Variants in ITGBL1 observed in about 807,000 individuals in gnomAD.
ITGBL1 encodes integrin subunit beta like 1.
A neutral mutation model predicts 68.5 loss-of-function variants in ITGBL1; 51 were observed. The observed-to-expected ratio is 0.74, with a 90% CI of 0.59 to 0.94. ITGBL1 has a LOEUF of 0.94. Ranked by LOEUF, ITGBL1 falls within the 40% of genes least tolerant of loss-of-function variation. ITGBL1 has a pLI of 0.00. For synonymous variants in ITGBL1, 209 were observed against 227.3 expected (o/e 0.92, Z 0.72); for missense variants, 649 against 647.4 (o/e 1.00, Z -0.03).
chr13:101,600,992 G>C lies in ITGBL1; in HGVS notation c.1015+2693G>C, dbSNP rs1594919032. 2.0e-5 allele frequency among the ~76,000 whole-genome samples: 3 copies of C among 152,246 alleles called. No homozygotes were observed. The South Asian group carries it at 6.2e-4, about 32-fold the overall frequency. ...AGGATTCCCTCTTTTTCTATTGATT[G>C]GAATAGTTTCAGAAGGAATGGTACC... is the stretch of plus-strand genomic sequence containing the variant. On this transcript the variant is annotated intron_variant, in intron 7 of 10. Coordinates refer to ENST00000376180, the MANE Select transcript of ITGBL1 (RefSeq NM_004791.3).
rs529429327 is a variant in ITGBL1, at chr13:101,598,162, A to G, written c.878A>G (p.Gln293Arg). Residue 293 changes from glutamine to arginine, a missense_variant, in exon 7 of 11, where the codon CAG becomes CGG. By Grantham distance (43) the Gln-to-Arg change is conservative (BLOSUM62 1). Transcript: ENST00000376180. ...CACTCTCACTGTGAAGGTCATGGAC[A>G]GTGTAATTGCGGAAGATGTGACTGC... is the stretch of plus-strand genomic sequence containing the variant. Reference protein sequence around the residue: ...YSDDFCSGHGQCNCGRCDCKA... With the variant: ...YSDDFCSGHGRCNCGRCDCKA... 8.1e-6 allele frequency: 13 copies of G among 1,612,872 alleles called. No individual in the cohort carries two copies. The East Asian group carries it at 1.8e-4, about 22-fold the overall frequency.
At chr13:101,598,703 GC>G (rs1481991025) in intron 7 of ITGBL1, among the ~76,000 whole-genome samples, 6 of 151,898 alleles carry the variant, frequency 4.0e-5, no homozygotes, top group Non-Finnish European at 8.8e-5. Flanking sequence ...TTTTGTCCTT[GC>G]AATAGTTTGC....
At chr13:101,704,953 C>T (rs1236944255) in intron 8 of ITGBL1, among the ~76,000 whole-genome samples, 1 of 152,006 alleles carries the variant, frequency 6.6e-6, no homozygotes, top group Non-Finnish European at 1.5e-5. Flanking sequence ...TTTTTGCTAA[C>T]CTGTGTGACA....
At chr13:101,588,969 T>C (rs7991109) in intron 6 of ITGBL1, among the ~76,000 whole-genome samples, 2,500 of 152,338 alleles carry the variant, frequency 0.016, 72 homozygotes, top group African/African-American at 0.056. Context: ...CAACACCTGA[T>C]ATTTCTAAGT....
chr13:101,514,917 T>C (rs2049171254), intron 2 of ITGBL1, among the ~76,000 whole-genome samples: 1 of 152,046 alleles, frequency 6.6e-6, no homozygotes, highest in South Asian at 2.1e-4. Flanking sequence ...ACCAGAGGGC[T>C]CCCATATTCC....
intron 7 of ITGBL1, among the ~76,000 whole-genome samples, chr13:101,610,912 TGAG>T (rs2031096882): frequency 1.3e-5 from 2 of 152,142 alleles, no homozygotes; most frequent in South Asian, 4.2e-4. Context: ...TCTGCAGAGA[TGAG>T]TAGTAGCATT....
intron 7 of ITGBL1, 131 bp from the exon 8 acceptor site, chr13:101,692,454 G>A (rs1183642893): frequency 3.0e-6 from 2 of 661,314 alleles, no homozygotes; most frequent in African/African-American, 1.8e-5. Flanking sequence ...ATGTGTATTT[G>A]TGTAACTATT....
At chr13:101,701,655 A>T (rs2034139405) in intron 8 of ITGBL1, among the ~76,000 whole-genome samples, 1 of 152,248 alleles carries the variant, frequency 6.6e-6, no homozygotes, top group Non-Finnish European at 1.5e-5. Context: ...CAAAGGCAGA[A>T]TATCAACTTC....
At chr13:101,677,053 G>A (rs193239730) in intron 7 of ITGBL1, among the ~76,000 whole-genome samples, 107 of 152,238 alleles carry the variant, frequency 7.0e-4, no homozygotes, top group Non-Finnish European at 1.4e-3. Context: ...AAACCTGGGA[G>A]GTGGAGGTTG....
intron 2 of ITGBL1, among the ~76,000 whole-genome samples, chr13:101,516,159 T>C (rs1468162671): frequency 6.6e-6 from 1 of 152,188 alleles, no homozygotes; most frequent in Admixed American, 6.5e-5. Flanking sequence ...CTTGTATTTA[T>C]TGAAATAGTT....
intron 7 of ITGBL1, among the ~76,000 whole-genome samples, chr13:101,656,015 T>C (rs1467813488): frequency 1.3e-5 from 2 of 152,040 alleles, no homozygotes; most frequent in African/African-American, 2.4e-5. Flanking sequence ...AAGAAATACA[T>C]TGATTTGGTT....
intron 2 of ITGBL1, among the ~76,000 whole-genome samples, chr13:101,546,483 A>G (rs1332097672): frequency 6.6e-6 from 1 of 152,212 alleles, no homozygotes; most frequent in East Asian, 1.9e-4. Context: ...AAAAAAGTAA[A>G]GAAAGATAAT....
At chr13:101,620,813 G>C (rs910401222) in intron 7 of ITGBL1, among the ~76,000 whole-genome samples, 3 of 152,124 alleles carry the variant, frequency 2.0e-5, no homozygotes, top group African/African-American at 7.2e-5. Context: ...CCTTCTCAGT[G>C]CCAGAGACTC....
intron 7 of ITGBL1, among the ~76,000 whole-genome samples, chr13:101,611,950 T>C (rs958969913): frequency 6.6e-6 from 1 of 152,142 alleles, no homozygotes; most frequent in African/African-American, 2.4e-5. Flanking sequence ...GACTAACCCA[T>C]CGTTCTTTCA....
intron 10 of ITGBL1, 191 bp from the exon 11 acceptor site, chr13:101,715,372 A>G (rs2034670660): frequency 5.2e-6 from 3 of 578,412 alleles, no homozygotes; most frequent in Non-Finnish European, 9.3e-6. Flanking sequence ...AATAAATGCC[A>G]CTAATTGTTT....
chr13:101,582,433 C>T (rs2050473743), intron 5 of ITGBL1, among the ~76,000 whole-genome samples: 1 of 152,084 alleles, frequency 6.6e-6, no homozygotes, highest in African/African-American at 2.4e-5. Context: ...CTTTATGTCT[C>T]TATCAAATGA....
intron 7 of ITGBL1, among the ~76,000 whole-genome samples, chr13:101,637,079 C>T (rs909910402): frequency 2.6e-5 from 4 of 151,954 alleles, no homozygotes; most frequent in African/African-American, 9.7e-5. Flanking sequence ...TGTTCATGTG[C>T]GTATCACCAA....
chr13:101,697,872 G>A (rs2034038952), intron 8 of ITGBL1, among the ~76,000 whole-genome samples: 1 of 152,176 alleles, frequency 6.6e-6, no homozygotes, highest in Non-Finnish European at 1.5e-5. Flanking sequence ...TAATACATCT[G>A]TCTCAGGTAT....
At chr13:101,605,770 G>C (rs1327688115) in intron 7 of ITGBL1, among the ~76,000 whole-genome samples, 1 of 94,934 alleles carries the variant, frequency 1.1e-5, no homozygotes, top group Non-Finnish European at 2.1e-5. Flanking sequence ...GTGTACACGT[G>C]TGTAGGCATA....
Sources: gnomAD v4.1 joint callset for allele counts (sites outside exome capture counted in the v4.1 genomes callset) on GRCh38, gnomAD v4.1.1 for gene constraint, MANE v1.5 for transcripts, NCBI Gene and HGNC (gene_info 2026-07-23, HGNC 2026-07-21) for gene names.